The following PACC1 variants were observed in gnomAD, a reference collection of about 807,000 sequenced individuals.
The protein encoded by PACC1 is proton-activated chloride channel.
A neutral mutation model predicts 39.7 loss-of-function variants in PACC1; 34 were observed. The observed-to-expected ratio is 0.86, with a 90% CI of 0.65 to 1.14. PACC1 has a LOEUF of 1.14. Among genes scored for constraint, PACC1 ranks in the 50% most tolerant of loss-of-function variants. PACC1 has a pLI of 0.00. For synonymous variants in PACC1, 127 were observed against 160.6 expected (o/e 0.79, Z 1.58); for missense variants, 379 against 436.4 (o/e 0.87, Z 1.17).
At chr1:212,371,263 A>G (rs1293650184) in intron 7 of PACC1, among the ~76,000 whole-genome samples, 1 of 150,868 alleles carries the variant, frequency 6.6e-6, no homozygotes, top group Non-Finnish European at 1.5e-5. Context: ...AAAAAAAGAA[A>G]GAAAAGTTAG....
At chr1:212,367,205 C>A (rs1213423259) in intron 7 of PACC1, among the ~76,000 whole-genome samples, 1 of 152,132 alleles carries the variant, frequency 6.6e-6, no homozygotes, top group Non-Finnish European at 1.5e-5. Context: ...AGTATCTACA[C>A]AAGAGCCAAA....
At chr1:212,374,128 C>T (rs977365874) in intron 7 of PACC1, among the ~76,000 whole-genome samples, 4 of 151,268 alleles carry the variant, frequency 2.6e-5, no homozygotes, top group African/African-American at 4.9e-5. Context: ...TTCACAACAG[C>T]CAAGATATGG....
intron 3 of PACC1, among the ~76,000 whole-genome samples, 174 bp from the exon 4 acceptor site, chr1:212,385,599 C>T (rs1661073821): frequency 6.6e-6 from 1 of 152,118 alleles, no homozygotes; most frequent in Admixed American, 6.5e-5. Context: ...CTCAGAAAGC[C>T]CCGCTGTAGC....
chr1:212,363,990 C>T lies in PACC1; in HGVS notation c.*1225G>A, dbSNP rs937506453. The T allele has an allele frequency of 6.6e-6, 1 of 152,184 alleles. No homozygotes were observed. Among genetic ancestry groups the T allele is most frequent in the African/African-American group, 2.4e-5 (1 of 41,422 alleles). 9.4% of individuals were successfully genotyped at this position (152,184 alleles called of 1,614,324 possible). A position where few individuals can be genotyped will look rare whatever the true frequency, so the allele number is the denominator to read the frequency against. Reference sequence around the variant, plus strand: ...AAACAGTTTCTTCCCATTTAAAATGCCTATTCATACATTTGAGTTATTCCC... The same window carrying T: ...AAACAGTTTCTTCCCATTTAAAATGTCTATTCATACATTTGAGTTATTCCC... On this transcript the variant is annotated 3_prime_UTR_variant, in exon 8 of 8. Coordinates refer to ENST00000261455, the MANE Select transcript of PACC1 (RefSeq NM_018252.3).
At chr1:212,391,175 T>C (rs899142491) in intron 2 of PACC1, among the ~76,000 whole-genome samples, 2 of 152,170 alleles carry the variant, frequency 1.3e-5, no homozygotes, top group African/African-American at 4.8e-5. Flanking sequence ...GAGTAGCCTA[T>C]CTGGGAGGCA....
At chr1:212,387,976 C>A (rs770072402) in intron 2 of PACC1, among the ~76,000 whole-genome samples, 20 of 151,642 alleles carry the variant, frequency 1.3e-4, no homozygotes, top group Non-Finnish European at 2.2e-4. Flanking sequence ...ATTGCTTGAA[C>A]CCAGGAGGCG....
chr1:212,406,186 C>T (rs1310945931), intron 2 of PACC1, among the ~76,000 whole-genome samples: 1 of 144,838 alleles, frequency 6.9e-6, no homozygotes, highest in African/African-American at 2.6e-5. Flanking sequence ...ATGGCAACCA[C>T]TATCACCATT....
chr1:212,377,797 G>A, intron 5 of PACC1, 91 bp from the exon 6 acceptor site: 1 of 1,465,384 alleles, frequency 6.8e-7, no homozygotes. Context: ...TTCTTTGCTG[G>A]CACAACCAGG....
In PACC1 at chr1:212,377,575, TC is replaced by T; in HGVS notation, c.769del (p.Glu257SerfsTer42). 1 of 1,614,084 alleles carries T rather than the reference TC, an allele frequency of 6.2e-7. No homozygotes were observed. Among genetic ancestry groups the T allele is most frequent in the Non-Finnish European group, 8.5e-7 (1 of 1,179,976 alleles). Reference protein sequence around the residue: ...TKEEDGREAVEFRQETSVVNY... With the variant: ...TKEEDGREAVXFRQETSVVNY... ...AGAGCCACCTACCTCCTGCCGGAAC[TC>T]CACTGCTTCCCGCCCATCCTCCTCC... On this transcript the variant is annotated frameshift_variant, in exon 6 of 8. Coordinates refer to ENST00000261455, the MANE Select transcript of PACC1 (RefSeq NM_018252.3). LOFTEE classifies it high-confidence loss of function.
At chr1:212,394,365 G>A (rs546603642) in intron 2 of PACC1, among the ~76,000 whole-genome samples, 2 of 152,226 alleles carry the variant, frequency 1.3e-5, no homozygotes, top group East Asian at 3.9e-4. Context: ...ATGCAGAAAA[G>A]GCCTTTGACA....
At chr1:212,391,924 C>T (rs1178763314) in intron 2 of PACC1, among the ~76,000 whole-genome samples, 1 of 152,108 alleles carries the variant, frequency 6.6e-6, no homozygotes, top group Admixed American at 6.6e-5. Flanking sequence ...ACAAAGCCTC[C>T]AAGAAATATG....
intron 7 of PACC1, among the ~76,000 whole-genome samples, chr1:212,366,512 G>A (rs1660251496): frequency 6.6e-6 from 1 of 152,078 alleles, no homozygotes. Flanking sequence ...ATGTTGGCCA[G>A]GATGGTCTCG....
chr1:212,404,702 CCTTT>C (rs1272301745), intron 2 of PACC1, among the ~76,000 whole-genome samples: 4 of 150,588 alleles, frequency 2.7e-5, no homozygotes, highest in Admixed American at 6.6e-5. Context: ...AGCCTTCCTT[CCTTT>C]TTTTTTTTTT....
At chr1:212,380,371 C>T (rs1290470842) in intron 4 of PACC1, among the ~76,000 whole-genome samples, 2 of 152,176 alleles carry the variant, frequency 1.3e-5, no homozygotes, top group African/African-American at 4.8e-5. Flanking sequence ...TTTCTTTTAA[C>T]TTTGTTTCCA....
At chr1:212,411,078 C>T (rs1455999324) in intron 1 of PACC1, among the ~76,000 whole-genome samples, 1 of 152,186 alleles carries the variant, frequency 6.6e-6, no homozygotes, top group African/African-American at 2.4e-5. Flanking sequence ...CCTGCAATGA[C>T]CCCATTTCCA....
intron 2 of PACC1, among the ~76,000 whole-genome samples, chr1:212,403,052 T>A (rs564196102): frequency 6.6e-6 from 1 of 152,324 alleles, no homozygotes; most frequent in Admixed American, 6.5e-5. Context: ...AATGACTAAT[T>A]AACCAAGGGT....
intron 1 of PACC1, among the ~76,000 whole-genome samples, chr1:212,414,393 C>T (rs990639201): frequency 6.6e-6 from 1 of 152,212 alleles, no homozygotes; most frequent in Admixed American, 6.5e-5. Flanking sequence ...GCTGCCGCTC[C>T]GGCGGGGAGC....
intron 4 of PACC1, among the ~76,000 whole-genome samples, chr1:212,384,142 T>C (rs371964459): frequency 6.6e-6 from 1 of 152,220 alleles, no homozygotes; most frequent in East Asian, 1.9e-4. Context: ...AGCTGTTTTT[T>C]ATGCTTTATA....
At chr1:212,394,998 A>G (rs1316541284) in intron 2 of PACC1, among the ~76,000 whole-genome samples, 1 of 152,336 alleles carries the variant, frequency 6.6e-6, no homozygotes, top group Non-Finnish European at 1.5e-5. Flanking sequence ...TATCATGAAC[A>G]TGGCCATACT....
Sources: gnomAD v4.1 joint callset for allele counts (sites outside exome capture counted in the v4.1 genomes callset) on GRCh38, gnomAD v4.1.1 for gene constraint, MANE v1.5 for transcripts, NCBI Gene and HGNC (gene_info 2026-07-23, HGNC 2026-07-21) for gene names.